The following ABCA7 variants were observed in gnomAD, a reference collection of about 807,000 sequenced individuals.
The protein encoded by ABCA7 is ATP binding cassette subfamily A member 7.
ABCA7 carries 261 observed loss-of-function variants against 227.6 expected under a neutral mutation model. That is an observed-to-expected ratio of 1.15 (90% CI 1.04 to 1.27). ABCA7 has a LOEUF of 1.27. Ranked by LOEUF, ABCA7 falls within the 50% of genes most tolerant of loss-of-function variation. ABCA7 has a pLI of 0.00. For synonymous variants in ABCA7, 1,488 were observed against 1,279.7 expected (o/e 1.16, Z -3.47); for missense variants, 3,331 against 2,924.5 (o/e 1.14, Z -3.21).
intron 13 of ABCA7, among the ~76,000 whole-genome samples, 168 bp downstream of exon 13, chr19:1,046,574 G>T (rs2040693789): frequency 7.0e-6 from 1 of 143,170 alleles, no homozygotes; most frequent in Admixed American, 6.8e-5. Flanking sequence ...GACTCTGAGG[G>T]TCTGGTGGGG....
intron 13 of ABCA7, 76 bp downstream of exon 13, chr19:1,046,482 T>C (rs2040682681): frequency 2.0e-6 from 3 of 1,498,642 alleles, no homozygotes; most frequent in Admixed American, 4.4e-5. Context: ...CAGGCTCTGT[T>C]GGGAACCTTC....
rs1267668399 is a variant in ABCA7 at position 1,044,898 on chromosome 19, A to G, written c.1216-104A>G. The G allele has an allele frequency of 4.0e-6, 6 of 1,506,400 alleles. No homozygotes were observed. The African/African-American group carries it at 6.9e-5, about 17-fold the overall frequency. 93.3% of individuals were successfully genotyped at this position (1,506,400 alleles called of 1,614,324 possible). On this transcript the variant is annotated intron_variant, in intron 11 of 46. Transcript: ENST00000263094. Reference sequence around the variant, plus strand: ...TCAGGAGGGAGCCGGCCGTGGGCCTACGAGGGGAAAACATGGCCCAGCCCC... The same window carrying G: ...TCAGGAGGGAGCCGGCCGTGGGCCTGCGAGGGGAAAACATGGCCCAGCCCC...
Position 1,055,286 on chromosome 19 carries a change from G to A in ABCA7, c.4140G>A (p.Gln1380=). The A allele has an allele frequency of 4.4e-6, 7 of 1,604,646 alleles. No individual in the cohort carries two copies. Among genetic ancestry groups the A allele is most frequent in the Non-Finnish European group, 5.9e-6 (7 of 1,176,764 alleles). ...TGACCGGCTCTGGGGAAGTGGTTCA[G>A]AACCTGACAGGCCGGAACCTGTCTG... ...QAVTGSGEVV[Q]NLTGRNLSDF... The change falls in exon 30 of 47, where the codon CAG becomes CAA. Residue 1380 remains glutamine, a synonymous_variant. Transcript: ENST00000263094.
chr19:1,065,527 C>A lies in ABCA7; in HGVS notation c.*102C>A. 1 of 1,374,750 alleles carries A rather than the reference C, an allele frequency of 7.3e-7. No homozygotes were observed. Among genetic ancestry groups the A allele is most frequent in the Non-Finnish European group, 9.9e-7 (1 of 1,008,748 alleles). The allele number at this position is 1,374,750 out of a possible 1,614,324, so 85.2% of individuals were successfully genotyped here. ...TCAGGCTGGCAGAGGGGCTGGTGCC[C>A]TGGAGAAAATAAAGAGAAGGCTGGA... On this transcript the variant is annotated 3_prime_UTR_variant, in exon 47 of 47. Coordinates refer to ENST00000263094, the MANE Select transcript of ABCA7 (RefSeq NM_019112.4).
chr19:1,065,064 CCGCCGGGAGGGCGCTG>C lies in ABCA7; in HGVS notation c.6183_6198del (p.Gly2062TrpfsTer22). ...TGGAGGCCGCCTGCGCTTCCAGCTG[CCGCCGGGAGGGCGCTG>C]CGCCCTGGCGCGCGTCTTTGGAGAG... On this transcript the variant is annotated frameshift_variant, in exon 46 of 47. Transcript: ENST00000263094. LOFTEE classifies it high-confidence loss of function. 6.4e-7 allele frequency: 1 copy of C among 1,563,124 alleles called. No homozygotes were observed. The highest frequency in any genetic ancestry group is 1.2e-5 in the South Asian group (1 of 85,980).
rs762748648 is a variant in ABCA7, at chr19:1,047,357, C to T, written c.2046C>T (p.Pro682=). 78 of 1,572,094 alleles carry T rather than the reference C, an allele frequency of 5.0e-5. No individual in the cohort carries two copies. In the East Asian group the frequency reaches 1.1e-3, roughly 22 times the overall value. ...VLCVAWRDRL[P]AGGRVAASLL... is the part of the protein sequence containing the mutation. ...GTGTGGCTTGGCGGGACCGGCTGCC[C>T]GCGGGTGGCCGCGTGGCCGCGGTGA... Residue 682 remains proline, a synonymous_variant, in exon 15 of 47, where the codon CCC becomes CCT. Transcript: ENST00000263094.
rs2042450683 is a variant in ABCA7, at chr19:1,058,711, C to T, written c.5243C>T (p.Thr1748Ile). The T allele has an allele frequency of 6.2e-7, 1 of 1,614,046 alleles. No homozygotes were observed. Among genetic ancestry groups the T allele is most frequent in the South Asian group, 1.1e-5 (1 of 91,088 alleles). Residue 1748 changes from threonine (T) to isoleucine (I), a missense_variant, in exon 38 of 47, where the codon ACA (threonine) becomes ATA (isoleucine). Coordinates refer to ENST00000263094, the MANE Select transcript of ABCA7 (RefSeq NM_019112.4). The part of the protein sequence containing the change: ...VIQGPLFLLF[T>I]LLLQHRSQLL... ...CAGGGGCCCCTCTTCCTTCTCTTCA[C>T]ACTACTGCTGCAGCACCGAAGCCAA...
rs1463770344 is a variant in ABCA7, at chr19:1,043,155, A to T, written c.694A>T (p.Ser232Cys). 19 of 1,611,838 alleles carry T rather than the reference A, an allele frequency of 1.2e-5. No homozygotes were observed. Among genetic ancestry groups the T allele is most frequent in the Non-Finnish European group, 1.6e-5 (19 of 1,179,212 alleles). Residue 232 changes from serine (S) to cysteine (C), a missense_variant, in exon 8 of 47, where the codon AGC becomes TGC. By Grantham distance (112) the Ser-to-Cys change is moderately radical. Coordinates refer to ENST00000263094, the MANE Select transcript of ABCA7 (RefSeq NM_019112.4). ...EALCSVRGPS[S>C]TVGPSLNWYE... ...CCTCTGCAGTGTCAGGGGACCTAGC[A>T]GCACAGTGGGCCCCTCCCTCAACTG...
chr19:1,044,992 C>T lies in ABCA7; in HGVS notation c.1216-10C>T. 6.2e-7 allele frequency: 1 copy of T among 1,612,020 alleles called. No individual in the cohort carries two copies. The highest frequency in any genetic ancestry group is 8.5e-7 in the Non-Finnish European group (1 of 1,179,580). ...CCCCAGCGCCTAGGACTCACCCCCGCATCCCACAGTGCCTGTCCTTGGACA... is the reference window on the plus strand; with the variant it reads ...CCCCAGCGCCTAGGACTCACCCCCGTATCCCACAGTGCCTGTCCTTGGACA... On this transcript the variant is annotated splice_polypyrimidine_tract_variant and intron_variant, in intron 11 of 46. Coordinates refer to ENST00000263094, the MANE Select transcript of ABCA7 (RefSeq NM_019112.4).
chr19:1,043,901 C>G, intron 10 of ABCA7, 60 bp downstream of exon 10: 1 of 1,456,244 alleles, frequency 6.9e-7, no homozygotes, highest in South Asian at 1.1e-5. Context: ...TAGACAGGCC[C>G]GGTGGATGGG....
rs1305250510 is a variant in ABCA7, at chr19:1,043,429, C to T, written c.886C>T (p.Leu296Phe). The change falls in exon 9 of 47, where the codon CTC (leucine) becomes TTC (phenylalanine). Residue 296 changes from leucine (L) to phenylalanine (F), a missense_variant. Coordinates refer to ENST00000263094, the MANE Select transcript of ABCA7 (RefSeq NM_019112.4). ...RLKPLILGKL[L>F]FAPDTPFTRK... Reference sequence around the variant, plus strand: ...GAAGCCTCTGATCCTCGGGAAGCTACTCTTTGCACCAGATACACCTTTTAC... The same window carrying T: ...GAAGCCTCTGATCCTCGGGAAGCTATTCTTTGCACCAGATACACCTTTTAC... The T allele has an allele frequency of 1.2e-6, 2 of 1,613,328 alleles. No homozygotes were observed. The highest frequency in any genetic ancestry group is 2.2e-5 in the South Asian group (2 of 91,094).
At position 1,054,904 on chromosome 19, in the gene ABCA7, T is replaced by C; in HGVS notation, c.3950+26T>C. 6.5e-7 allele frequency: 1 copy of C among 1,548,982 alleles called. No individual in the cohort carries two copies. Among genetic ancestry groups the C allele is most frequent in the Non-Finnish European group, 8.7e-7 (1 of 1,143,398 alleles). On this transcript the variant is annotated intron_variant, in intron 29 of 46. Transcript: ENST00000263094. This position sits in a 1 kb window ranked among gnomAD's most constrained non-coding sequence, Gnocchi z 4.8. ...GTGAGGCGTCTTGTTGGCCTGGACC[T>C]TTCCCCTCTCTGGCCTCAGTTTTCC...
intron 13 of ABCA7, among the ~76,000 whole-genome samples, 178 bp downstream of exon 13, chr19:1,046,584 G>GC (rs1345354952): frequency 6.6e-6 from 1 of 152,110 alleles, no homozygotes; most frequent in Non-Finnish European, 1.5e-5. Context: ...GTCTGGTGGG[G>GC]GGGGGGACTC....
chr19:1,046,962 T>C lies in ABCA7; in HGVS notation c.1783T>C (p.Trp595Arg), dbSNP rs777925245. 2.5e-6 allele frequency: 4 copies of C among 1,583,930 alleles called. No homozygotes were observed. The highest frequency in any genetic ancestry group is 3.4e-6 in the Non-Finnish European group (4 of 1,168,936). ...CAGCCGCGCGGTGCTCTGGCTAGGC[T>C]GGTTCCTCAGCTGCCTCGGGCCCTT... ...GLSRAVLWLG[W>R]FLSCLGPFLL... Residue 595 changes from tryptophan to arginine, a missense_variant, in exon 14 of 47, where the codon TGG becomes CGG. Coordinates refer to ENST00000263094, the MANE Select transcript of ABCA7 (RefSeq NM_019112.4).
At chr19:1,057,893 G>A in intron 35 of ABCA7, 22 bp from the exon 36 acceptor site, 1 of 1,613,782 alleles carries the variant, frequency 6.2e-7, no homozygotes, top group African/African-American at 1.3e-5. Flanking sequence ...GGTTACTCCA[G>A]TGACTCCTAT....
At chr19:1,061,703 A>AG (rs1312034152) in intron 40 of ABCA7, 79 bp from the exon 41 acceptor site, 80 of 1,302,824 alleles carry the variant, frequency 6.1e-5, no homozygotes, top group Non-Finnish European at 7.9e-5. Context: ...TGGTCTCAAA[A>AG]AAAAAAAAAA....
chr19:1,053,712 G>C (rs966007501), intron 24 of ABCA7, 76 bp from the exon 25 acceptor site: 15 of 1,561,264 alleles, frequency 9.6e-6, no homozygotes, highest in Non-Finnish European at 1.2e-5. Flanking sequence ...CCATGGTGTA[G>C]GAGGGGTGGG....
rs573812498 is a variant in ABCA7 at position 1,041,946 on chromosome 19, G to C, written c.276G>C (p.Gly92=). 2 of 1,589,592 alleles carry C rather than the reference G, an allele frequency of 1.3e-6. No individual in the cohort carries two copies. The highest frequency in any genetic ancestry group is 2.7e-5 in the African/African-American group (2 of 74,008). ...FPQLTPGEEP[G]RLSNFNDSLV... ...AGCTGACACCGGGCGAGGAGCCCGG[G>C]CGCCTGAGCAACTTCAACGACTCCC... Residue 92 remains glycine, a synonymous_variant, in exon 4 of 47, where the codon GGG becomes GGC. Transcript: ENST00000263094.
intron 42 of ABCA7, among the ~76,000 whole-genome samples, chr19:1,062,677 C>G (rs1252791649): frequency 6.6e-6 from 1 of 151,974 alleles, no homozygotes; most frequent in Admixed American, 6.6e-5. Context: ...GTCACATTCT[C>G]ACTCTGGCCG....
Sources: allele counts gnomAD v4.1 joint callset (sites outside exome capture counted in the v4.1 genomes callset), GRCh38; gene constraint gnomAD v4.1.1; non-coding constraint Gnocchi (gnomAD v3.1); transcripts MANE v1.5; gene names NCBI Gene and HGNC (gene_info 2026-07-23, HGNC 2026-07-21).